The following IL1RAPL2 variants were observed in gnomAD, a reference collection of about 807,000 sequenced individuals.
IL1RAPL2 encodes the protein X-linked interleukin-1 receptor accessory protein-like 2.
Under a neutral mutation model 44.1 loss-of-function variants are expected in IL1RAPL2, and 3 were observed. The observed-to-expected ratio is 0.07, with a 90% CI of 0.03 to 0.18. The LOEUF (loss-of-function observed/expected upper bound fraction) is 0.18. IL1RAPL2 is among the 10% of genes least tolerant of loss of function. The pLI, the probability that IL1RAPL2 is intolerant of heterozygous loss-of-function variation, is 1.00. For missense variants in IL1RAPL2, 391 were observed against 496.4 expected (o/e 0.79, Z 2.02); for synonymous variants, 181 against 178.8 (o/e 1.01, Z -0.10).
At chrX:105,054,026 C>T (rs945504360) in intron 2 of IL1RAPL2, among the ~76,000 whole-genome samples, 1 of 110,916 alleles carries the variant, frequency 9.0e-6, no homozygotes, top group Non-Finnish European at 1.9e-5. Flanking sequence ...TAAATAAAAA[C>T]AAGATAATTA....
chrX:105,688,336 C>A (rs1290080064), intron 6 of IL1RAPL2, among the ~76,000 whole-genome samples: 1 of 111,409 alleles, frequency 9.0e-6, no homozygotes, highest in East Asian at 2.8e-4. Context: ...TCGTCACAGC[C>A]CAAAATCTCC....
chrX:105,582,077 C>T (rs998710019), intron 6 of IL1RAPL2, among the ~76,000 whole-genome samples: 4 of 110,687 alleles, frequency 3.6e-5, no homozygotes, highest in Non-Finnish European at 5.7e-5. Context: ...GCAAATTTTA[C>T]GCCAGCTTCT....
intron 6 of IL1RAPL2, among the ~76,000 whole-genome samples, chrX:105,490,447 TATTG>T (rs1176405483): frequency 8.9e-6 from 1 of 112,126 alleles, no homozygotes; most frequent in Non-Finnish European, 1.9e-5. Flanking sequence ...TGTTATATGC[TATTG>T]GCTCAAACTG....
intron 2 of IL1RAPL2, among the ~76,000 whole-genome samples, chrX:104,681,706 AGAT>A (rs1302077709): frequency 1.8e-5 from 2 of 112,887 alleles, no homozygotes; most frequent in African/African-American, 6.4e-5. Flanking sequence ...GGCTTCAGCC[AGAT>A]GATATCTTGA....
chrX:104,772,360 T>G (rs1330653178), intron 2 of IL1RAPL2, among the ~76,000 whole-genome samples: 6 of 112,534 alleles, frequency 5.3e-5, no homozygotes, highest in Admixed American at 9.4e-5. Flanking sequence ...TTTCCCTATG[T>G]GCTTTACGTA....
intron 5 of IL1RAPL2, among the ~76,000 whole-genome samples, chrX:105,414,770 T>C (rs1255137170): frequency 8.9e-6 from 1 of 112,441 alleles, no homozygotes; most frequent in Non-Finnish European, 1.9e-5. Context: ...ATGCTGTTAT[T>C]TTTGTTAATG....
chrX:105,159,490 T>C (rs775154977), intron 2 of IL1RAPL2, among the ~76,000 whole-genome samples: 1 of 112,434 alleles, frequency 8.9e-6, no homozygotes, highest in Admixed American at 9.4e-5. Flanking sequence ...GGATAGGGAA[T>C]GGCTTGGTTT....
intron 6 of IL1RAPL2, among the ~76,000 whole-genome samples, chrX:105,677,278 T>G (rs895946512): frequency 8.9e-6 from 1 of 111,957 alleles, no homozygotes; most frequent in Non-Finnish European, 1.9e-5. Context: ...GCTGAGAAAT[T>G]GACCCTCTTT....
chrX:104,848,291 A>G (rs1424438696), intron 2 of IL1RAPL2, among the ~76,000 whole-genome samples: 2 of 108,232 alleles, frequency 1.8e-5, no homozygotes, highest in East Asian at 5.7e-4. Flanking sequence ...CGTCACAGAC[A>G]TTTACAATAT....
intron 2 of IL1RAPL2, among the ~76,000 whole-genome samples, chrX:104,671,067 A>C (rs1346249220): frequency 1.8e-5 from 2 of 111,145 alleles, no homozygotes; most frequent in African/African-American, 6.5e-5. Context: ...TTATTCATTC[A>C]ATACTTAAAT....
chrX:105,614,463 G>T (rs2037358689), intron 6 of IL1RAPL2, among the ~76,000 whole-genome samples: 1 of 111,223 alleles, frequency 9.0e-6, no homozygotes, highest in Non-Finnish European at 1.9e-5. Flanking sequence ...GCATAAAAAC[G>T]GACCCATAGA....
At position 104,924,044 on chromosome X, in the gene IL1RAPL2, T is replaced by TAAA. The variant is rs57049694; in HGVS notation, c.82+265059_82+265061dup. Among the ~76,000 whole-genome samples the TAAA allele has an allele frequency of 1.0e-3, 98 of 97,262 alleles. 1 individual carries two copies. The highest frequency in any genetic ancestry group is 5.4e-3 in the Middle Eastern group (1 of 184). 84.5% of individuals were successfully genotyped at this position (97,262 alleles called of 115,157 possible). On this transcript the variant is annotated intron_variant, in intron 2 of 10. Transcript: ENST00000372582. ...TGATTAAAACACACTATAACAATAGTAAAAAAAAAAAAGACAAAGAAGGGC... is the reference window on the plus strand; with the variant it reads ...TGATTAAAACACACTATAACAATAGTAAAAAAAAAAAAAAAGACAAAGAAGGGC...
chrX:105,150,898 T>C (rs1048533628), intron 2 of IL1RAPL2, among the ~76,000 whole-genome samples: 3 of 111,834 alleles, frequency 2.7e-5, no homozygotes, highest in Non-Finnish European at 5.6e-5. Flanking sequence ...GTGATAGGAA[T>C]GTTTTGCATT....
chrX:105,574,352 G>T (rs1270763502), intron 6 of IL1RAPL2, among the ~76,000 whole-genome samples: 1 of 111,371 alleles, frequency 9.0e-6, no homozygotes, highest in East Asian at 2.8e-4. Context: ...GCTAAGGGGA[G>T]GGAATCTGCA....
intron 6 of IL1RAPL2, among the ~76,000 whole-genome samples, chrX:105,700,758 C>G (rs2038113326): frequency 9.0e-6 from 1 of 111,490 alleles, no homozygotes; most frequent in African/African-American, 3.3e-5. Context: ...TTTTACTACC[C>G]CTTTATTTCA....
intron 2 of IL1RAPL2, among the ~76,000 whole-genome samples, chrX:104,684,347 A>C (rs905897625): frequency 8.9e-6 from 1 of 111,850 alleles, no homozygotes; most frequent in Non-Finnish European, 1.9e-5. Context: ...AGCGTCACAG[A>C]TGAGGAGCCA....
At chrX:104,996,253 A>G (rs549576627) in intron 2 of IL1RAPL2, among the ~76,000 whole-genome samples, 1 of 111,845 alleles carries the variant, frequency 8.9e-6, no homozygotes, top group Admixed American at 9.5e-5. Flanking sequence ...ATGTTATTCA[A>G]TGTGCTAGAT....
At chrX:104,734,322 C>G (rs1931975435) in intron 2 of IL1RAPL2, among the ~76,000 whole-genome samples, 1 of 112,243 alleles carries the variant, frequency 8.9e-6, no homozygotes, top group Non-Finnish European at 1.9e-5. Flanking sequence ...GAAATGAAAA[C>G]TTGTACACAC....
intron 5 of IL1RAPL2, among the ~76,000 whole-genome samples, chrX:105,276,436 A>G (rs1360532485): frequency 8.9e-6 from 1 of 111,838 alleles, no homozygotes; most frequent in Non-Finnish European, 1.9e-5. Context: ...AATAATACTC[A>G]AATGCTTCCA....
Sources: allele counts gnomAD v4.1 joint callset (sites outside exome capture counted in the v4.1 genomes callset), GRCh38; gene constraint gnomAD v4.1.1; transcripts MANE v1.5; gene names NCBI Gene and HGNC (gene_info 2026-07-23, HGNC 2026-07-21).